Variants in ELAVL2 observed in about 807,000 individuals in gnomAD.
ELAVL2 encodes ELAV like RNA binding protein 2, also known as ELAV-like protein 2.
Under a neutral mutation model 34.6 loss-of-function variants are expected in ELAVL2, and 4 were observed. That is an observed-to-expected ratio of 0.12 (90% confidence interval 0.06 to 0.26). The LOEUF is 0.26. Among genes scored for constraint, ELAVL2 ranks in the 10% least tolerant of loss-of-function variants. ELAVL2 has a pLI of 1.00. For missense variants in ELAVL2, 432 were observed against 442.8 expected, an observed-to-expected ratio of 0.98 and a Z score of 0.22; for synonymous variants, 193 against 154.8, an observed-to-expected ratio of 1.25 and a Z score of -1.83.
At chr9:23,786,822 A>T (rs1208494810) in intron 1 of ELAVL2, among the ~76,000 whole-genome samples, 2 of 150,764 alleles carry the variant, frequency 1.3e-5, no homozygotes, top group Non-Finnish European at 2.9e-5. Flanking sequence ...GAGAAAGGAA[A>T]GCCTTTTAAA....
intron 3 of ELAVL2, among the ~76,000 whole-genome samples, chr9:23,727,293 T>C (rs2045461747): frequency 6.6e-6 from 1 of 152,118 alleles, no homozygotes; most frequent in Non-Finnish European, 1.5e-5. Flanking sequence ...TGCTACTACT[T>C]AAACAAACAG....
chr9:23,798,726 T>TA (rs945979817), intron 1 of ELAVL2, among the ~76,000 whole-genome samples: 1 of 152,112 alleles, frequency 6.6e-6, no homozygotes, highest in East Asian at 1.9e-4. Context: ...AACCACAAGC[T>TA]AAAAGCTATA....
At chr9:23,786,782 A>C (rs73654373) in intron 1 of ELAVL2, among the ~76,000 whole-genome samples, 3 of 38,482 alleles carry the variant, frequency 7.8e-5, no homozygotes, top group South Asian at 7.8e-4. Context: ...TTTTAGTGGC[A>C]AAAAAAAAAA....
At chr9:23,820,561 A>G (rs2064434705) in intron 1 of ELAVL2, among the ~76,000 whole-genome samples, 1 of 152,238 alleles carries the variant, frequency 6.6e-6, no homozygotes. Context: ...CTGCATGCTC[A>G]TAGCTCGCAT....
chr9:23,842,416 A>G, the ELAVL2 span, among the ~76,000 whole-genome samples: 1 of 152,104 alleles, frequency 6.6e-6, no homozygotes, highest in South Asian at 2.1e-4. Flanking sequence ...TGGTAGAGAT[A>G]GTCTCCCTGT....
intron 1 of ELAVL2, among the ~76,000 whole-genome samples, chr9:23,792,230 G>A (rs189932254): frequency 1.1e-4 from 16 of 152,312 alleles, no homozygotes; most frequent in East Asian, 1.9e-4. Context: ...CAGGCTAGGC[G>A]AAAGCTATGA....
chr9:23,757,901 T>C (rs1050146221), intron 2 of ELAVL2, among the ~76,000 whole-genome samples: 2 of 152,134 alleles, frequency 1.3e-5, no homozygotes, highest in African/African-American at 2.4e-5. Context: ...ATACACTCTC[T>C]TCAAGGACTT....
chr9:23,773,257 G>C (rs922367301), intron 1 of ELAVL2, among the ~76,000 whole-genome samples: 1 of 152,134 alleles, frequency 6.6e-6, no homozygotes, highest in African/African-American at 2.4e-5. Flanking sequence ...TATAGAACAG[G>C]TAAGGCCCTT....
intron 1 of ELAVL2, 103 bp from the exon 2 acceptor site, chr9:23,762,352 A>G: frequency 6.9e-7 from 1 of 1,453,580 alleles, no homozygotes; most frequent in Non-Finnish European, 9.3e-7. Flanking sequence ...AAGTCGTTCT[A>G]ATGAAATTAC....
At chr9:23,783,164 C>T (rs3793591) in intron 1 of ELAVL2, among the ~76,000 whole-genome samples, 18,264 of 152,230 alleles carry the variant, frequency 0.12, 1,461 homozygotes, top group South Asian at 0.21. Flanking sequence ...CTCTACTCTC[C>T]GGAGGCGTGA....
intron 3 of ELAVL2, among the ~76,000 whole-genome samples, chr9:23,707,437 G>C (rs56263434): frequency 6.6e-6 from 1 of 152,116 alleles, no homozygotes; most frequent in East Asian, 1.9e-4. Context: ...CTCTGTTCCA[G>C]ATCATGTGAC....
intron 1 of ELAVL2, among the ~76,000 whole-genome samples, chr9:23,775,785 T>C (rs963362153): frequency 6.6e-6 from 1 of 152,114 alleles, no homozygotes; most frequent in Non-Finnish European, 1.5e-5. Flanking sequence ...TCCCAGTGTT[T>C]TCCAGTGTCA....
intron 6 of ELAVL2, 106 bp downstream of exon 6, chr9:23,693,342 T>G (rs994402870): frequency 2.1e-6 from 3 of 1,427,348 alleles, no homozygotes; most frequent in African/African-American, 2.9e-5. Context: ...ACATGCAAAA[T>G]AAAACCCAAC....
At chr9:23,787,542 T>C (rs2059842078) in intron 1 of ELAVL2, among the ~76,000 whole-genome samples, 4 of 151,710 alleles carry the variant, frequency 2.6e-5, no homozygotes, top group Admixed American at 2.6e-4. Flanking sequence ...TCATCCCTAT[T>C]TTTCAAATGA....
At chr9:23,816,118 A>G (rs551748924) in intron 1 of ELAVL2, among the ~76,000 whole-genome samples, 7 of 152,144 alleles carry the variant, frequency 4.6e-5, no homozygotes, top group Admixed American at 3.3e-4. Context: ...TTATTTGTAT[A>G]TATTTCTCTA....
At chr9:23,747,701 C>T (rs1268343885) in intron 2 of ELAVL2, among the ~76,000 whole-genome samples, 8 of 152,136 alleles carry the variant, frequency 5.3e-5, no homozygotes, top group African/African-American at 1.9e-4. Flanking sequence ...TAAGACTTAC[C>T]CATGAAGTAT....
chr9:23,718,215 A>G (rs912697218), intron 3 of ELAVL2, among the ~76,000 whole-genome samples: 13 of 152,130 alleles, frequency 8.5e-5, no homozygotes, highest in African/African-American at 2.7e-4. Flanking sequence ...CTAACAAATA[A>G]TCTTCCTCTT....
chr9:23,755,229 T>C (rs187956515), intron 2 of ELAVL2, among the ~76,000 whole-genome samples: 19 of 152,290 alleles, frequency 1.2e-4, no homozygotes, highest in Admixed American at 1.0e-3. Context: ...GAAGTTGTTT[T>C]TCCTAACAAT....
chr9:23,790,302 G>A (rs185349530), intron 1 of ELAVL2, among the ~76,000 whole-genome samples: 2 of 152,136 alleles, frequency 1.3e-5, no homozygotes, highest in Non-Finnish European at 2.9e-5. Context: ...CTGGTTGGAT[G>A]AAAGGAGAGT....
Sources: gnomAD v4.1 joint callset for allele counts (sites outside exome capture counted in the v4.1 genomes callset) on GRCh38, gnomAD v4.1.1 for gene constraint, MANE v1.5 for transcripts, NCBI Gene and HGNC (gene_info 2026-07-23, HGNC 2026-07-21) for gene names.